The following WNT8B variants were observed in gnomAD, a reference collection of about 807,000 sequenced individuals.
WNT8B encodes protein Wnt-8b.
Under a neutral mutation model 36.6 loss-of-function variants are expected in WNT8B, and 24 were observed. The ratio of observed to expected loss-of-function variants is 0.66; its 90% CI spans 0.48 to 0.92. The LOEUF is 0.92. Ranked by LOEUF, WNT8B falls within the 40% of genes least tolerant of loss-of-function variation. WNT8B has a pLI of 0.00. For synonymous variants in WNT8B, 199 were observed against 189.8 expected (o/e 1.05, Z -0.40); for missense variants, 402 against 470.8 (o/e 0.85, Z 1.35).
At chr10:100,470,788 C>G (rs1850967569) in intron 1 of WNT8B, among the ~76,000 whole-genome samples, 1 of 152,214 alleles carries the variant, frequency 6.6e-6, no homozygotes, top group Non-Finnish European at 1.5e-5. Flanking sequence ...GTCGCCTAGG[C>G]TGGAGCGCAG....
chr10:100,465,105 T>C (rs977975854), intron 1 of WNT8B, among the ~76,000 whole-genome samples: 3 of 152,172 alleles, frequency 2.0e-5, no homozygotes, highest in Non-Finnish European at 4.4e-5. Context: ...ATTGTAGGCC[T>C]GCCTGAAATT....
chr10:100,466,277 C>T (rs2133649203), intron 1 of WNT8B, among the ~76,000 whole-genome samples: 1 of 152,020 alleles, frequency 6.6e-6, no homozygotes, highest in Non-Finnish European at 1.5e-5. Context: ...AAAAAAGTGC[C>T]TGATCCATTA....
intron 1 of WNT8B, among the ~76,000 whole-genome samples, chr10:100,464,935 G>A (rs1016567660): frequency 1.9e-4 from 29 of 152,174 alleles, no homozygotes; most frequent in African/African-American, 6.5e-4. Context: ...AAACTATCAC[G>A]GTTTTGCATA....
chr10:100,466,294 A>G (rs1376744686), intron 1 of WNT8B, among the ~76,000 whole-genome samples: 2 of 152,120 alleles, frequency 1.3e-5, no homozygotes, highest in Non-Finnish European at 2.9e-5. Context: ...ATTAAAAAAA[A>G]AGCTGGGATT....
chr10:100,467,009 T>C (rs1462343216), intron 1 of WNT8B, among the ~76,000 whole-genome samples: 1 of 151,946 alleles, frequency 6.6e-6, no homozygotes, highest in Non-Finnish European at 1.5e-5. Flanking sequence ...AAGATCAGGC[T>C]AGGTTAACAG....
At chr10:100,468,676 A>T (rs1850938456) in intron 1 of WNT8B, among the ~76,000 whole-genome samples, 1 of 152,274 alleles carries the variant, frequency 6.6e-6, no homozygotes, top group East Asian at 1.9e-4. Context: ...GACAGGGAAG[A>T]TAGCCTATCA....
At chr10:100,474,092 C>A (rs780043841) in intron 1 of WNT8B, among the ~76,000 whole-genome samples, 7 of 152,132 alleles carry the variant, frequency 4.6e-5, no homozygotes, top group Non-Finnish European at 8.8e-5. Flanking sequence ...GTATTAAACA[C>A]TGAAGGAGAG....
chr10:100,464,781 T>G (rs1850892743), intron 1 of WNT8B, among the ~76,000 whole-genome samples: 1 of 152,240 alleles, frequency 6.6e-6, no homozygotes, highest in African/African-American at 2.4e-5. Flanking sequence ...CAAATCTCCT[T>G]TATAATACAA....
intron 1 of WNT8B, among the ~76,000 whole-genome samples, chr10:100,467,307 C>T (rs1016469226): frequency 6.6e-6 from 1 of 152,096 alleles, no homozygotes; most frequent in African/African-American, 2.4e-5. Flanking sequence ...ATCATCTGAC[C>T]AGTCCAAACT....
In WNT8B at chr10:100,479,911, C is replaced by T; in HGVS notation, c.140C>T (p.Ala47Val). 2.5e-6 allele frequency: 4 copies of T among 1,614,026 alleles called. No individual in the cohort carries two copies. Among genetic ancestry groups the T allele is most frequent in the Non-Finnish European group, 3.4e-6 (4 of 1,179,946 alleles). The change falls in exon 3 of 6, where the codon GCC becomes GTC. Residue 47 changes from alanine (A) to valine (V), a missense_variant. Ala to Val is a moderately conservative substitution (Grantham distance 64). Transcript: ENST00000343737. ...LIYSSSVAAG[A>V]QSGIEECKYQ... The stretch of plus-strand genomic sequence containing the variant: ...TACTCCAGCAGTGTGGCAGCTGGTG[C>T]CCAGAGTGGTATTGAAGAATGCAAG...
In WNT8B at chr10:100,478,960, A is replaced by G. The variant is rs1164465780; in HGVS notation, c.69-92A>G. The G allele has an allele frequency of 7.4e-6, 8 of 1,081,136 alleles. No individual in the cohort carries two copies. The African/African-American group carries it at 1.1e-4, about 15-fold the overall frequency. The allele number at this position is 1,081,136 out of a possible 1,614,324, so 67.0% of individuals were successfully genotyped here. Reference sequence around the variant, plus strand: ...GTTTCCCTTTCTTCCTATTAATGACATGTGCTGAAGTAATTCTTACCACTC... The same window carrying G: ...GTTTCCCTTTCTTCCTATTAATGACGTGTGCTGAAGTAATTCTTACCACTC... On this transcript the variant is annotated intron_variant, in intron 1 of 5. Transcript: ENST00000343737.
rs1309314956 is a variant in WNT8B, at chr10:100,482,663, C to T, written c.903C>T (p.Arg301=). 3 of 1,607,782 alleles carry T rather than the reference C, an allele frequency of 1.9e-6. No individual in the cohort carries two copies. The highest frequency in any genetic ancestry group is 2.5e-6 in the Non-Finnish European group (3 of 1,178,912). The change falls in exon 6 of 6, where the codon CGC becomes CGT. Residue 301 remains arginine (R), a synonymous_variant. Coordinates refer to ENST00000343737, the MANE Select transcript of WNT8B (RefSeq NM_003393.4). This position sits in a 1 kb window ranked among gnomAD's most constrained non-coding sequence, Gnocchi z 6.6. ...CGDCGLAVEE[R]RAETVSSCNC... ...ACTGCGGGCTGGCGGTGGAGGAGCG[C>T]CGGGCCGAGACCGTGTCCAGCTGCA...
intron 1 of WNT8B, among the ~76,000 whole-genome samples, chr10:100,465,395 A>AT: frequency 6.6e-6 from 1 of 152,316 alleles, no homozygotes; most frequent in East Asian, 1.9e-4. Context: ...GATGATGATT[A>AT]TAATGGTGGC....
chr10:100,469,629 T>C (rs758167252), intron 1 of WNT8B, among the ~76,000 whole-genome samples: 1 of 152,206 alleles, frequency 6.6e-6, no homozygotes, highest in Non-Finnish European at 1.5e-5. Context: ...TCAGATAAGG[T>C]AGTGAAGAAA....
intron 1 of WNT8B, among the ~76,000 whole-genome samples, chr10:100,464,287 G>T (rs1309549023): frequency 6.6e-6 from 1 of 151,992 alleles, no homozygotes; most frequent in Non-Finnish European, 1.5e-5. Context: ...ACAATAATTT[G>T]CAACATTTCT....
chr10:100,481,850 G>A, intron 4 of WNT8B, 62 bp from the exon 5 acceptor site: 1 of 1,570,494 alleles, frequency 6.4e-7, no homozygotes, highest in South Asian at 1.1e-5. Context: ...ATTAGAAACA[G>A]CAGCCCAGGA....
At chr10:100,473,359 C>A (rs1320542089) in intron 1 of WNT8B, among the ~76,000 whole-genome samples, 1 of 152,110 alleles carries the variant, frequency 6.6e-6, no homozygotes, top group African/African-American at 2.4e-5. Context: ...TTTGTGCAAC[C>A]TTCACCACAA....
chr10:100,483,412 G>A lies in WNT8B; in HGVS notation c.*596G>A, dbSNP rs1321041217. 6.6e-6 allele frequency: 1 copy of A among 152,232 alleles called. No individual in the cohort carries two copies. The highest frequency in any genetic ancestry group is 1.5e-5 in the Non-Finnish European group (1 of 68,070). The allele number at this position is 152,232 out of a possible 1,614,324, so 9.4% of individuals were successfully genotyped here. A position where few individuals can be genotyped will look rare whatever the true frequency, so the allele number is the denominator to read the frequency against. ...TTCCTAGAGGCAGAGGTTGAAGATG[G>A]AAGAGGGAGCTCTGGAGTGCTAACT... On this transcript the variant is annotated 3_prime_UTR_variant, in exon 6 of 6. Coordinates refer to ENST00000343737, the MANE Select transcript of WNT8B (RefSeq NM_003393.4).
chr10:100,464,602 G>A (rs990995023), intron 1 of WNT8B, among the ~76,000 whole-genome samples: 5 of 152,080 alleles, frequency 3.3e-5, no homozygotes, highest in Admixed American at 6.6e-5. Context: ...ATTTCATTCC[G>A]ATACTGACAC....
Sources: allele counts gnomAD v4.1 joint callset (sites outside exome capture counted in the v4.1 genomes callset), GRCh38; gene constraint gnomAD v4.1.1; non-coding constraint Gnocchi (gnomAD v3.1); transcripts MANE v1.5; gene names NCBI Gene and HGNC (gene_info 2026-07-23, HGNC 2026-07-21).